GALNTL6: variants seen among roughly 807,000 people sequenced by gnomAD.
The protein encoded by GALNTL6 is polypeptide N-acetylgalactosaminyltransferase like 6, also known as polypeptide N-acetylgalactosaminyltransferase-like 6.
A neutral mutation model predicts 73.7 loss-of-function variants in GALNTL6; 46 were observed. That is an observed-to-expected ratio of 0.62 (90% CI 0.49 to 0.80). The LOEUF (loss-of-function observed/expected upper bound fraction) is 0.80, where lower values mean the gene tolerates loss of function less well. Ranked by LOEUF, GALNTL6 falls within the 30% of genes least tolerant of loss-of-function variation. The pLI, the probability that GALNTL6 is intolerant of heterozygous loss-of-function variation, is 0.00. For missense variants in GALNTL6, 604 were observed against 755.0 expected, an observed-to-expected ratio of 0.80 and a Z score of 2.34; for synonymous variants, 259 against 263.7, an observed-to-expected ratio of 0.98 and a Z score of 0.17.
At chr4:172,537,330 T>G (rs1735381007) in intron 5 of GALNTL6, among the ~76,000 whole-genome samples, 1 of 152,184 alleles carries the variant, frequency 6.6e-6, no homozygotes, top group Non-Finnish European at 1.5e-5. Context: ...AGGGAACTGG[T>G]GGGAGGTTAT....
At chr4:172,403,230 C>G (rs964729201) in intron 5 of GALNTL6, among the ~76,000 whole-genome samples, 1 of 151,924 alleles carries the variant, frequency 6.6e-6, no homozygotes, top group Non-Finnish European at 1.5e-5. Context: ...CAAAGTGCAT[C>G]AGAAAACTAT....
At chr4:172,010,103 A>C (rs1199840962) in intron 2 of GALNTL6, among the ~76,000 whole-genome samples, 1 of 152,100 alleles carries the variant, frequency 6.6e-6, no homozygotes, top group African/African-American at 2.4e-5. Context: ...ACTAGAAAGG[A>C]TAGAGTTTAC....
At chr4:172,160,791 A>G (rs1734435239) in intron 2 of GALNTL6, among the ~76,000 whole-genome samples, 1 of 151,806 alleles carries the variant, frequency 6.6e-6, no homozygotes, top group Non-Finnish European at 1.5e-5. Flanking sequence ...ATGCATATAT[A>G]TACATATATA....
At chr4:172,548,169 C>T (rs1735839762) in intron 5 of GALNTL6, among the ~76,000 whole-genome samples, 1 of 45,908 alleles carries the variant, frequency 2.2e-5, no homozygotes, top group Admixed American at 2.1e-4. Context: ...ATGTCGATGT[C>T]AATGAAGGGT....
At chr4:172,035,760 G>A (rs1741913066) in intron 2 of GALNTL6, among the ~76,000 whole-genome samples, 1 of 152,086 alleles carries the variant, frequency 6.6e-6, no homozygotes, top group African/African-American at 2.4e-5. Flanking sequence ...AATGCCAAAT[G>A]TGCCAGTGAA....
intron 2 of GALNTL6, among the ~76,000 whole-genome samples, chr4:171,821,654 T>C (rs28623655): frequency 6.7e-6 from 1 of 148,410 alleles, no homozygotes; most frequent in East Asian, 2.0e-4. Context: ...TATATATATA[T>C]ATATATATAT....
At chr4:172,349,711 C>G (rs1741873727) in intron 5 of GALNTL6, among the ~76,000 whole-genome samples, 3 of 151,744 alleles carry the variant, frequency 2.0e-5, no homozygotes, top group Admixed American at 2.0e-4. Context: ...ACTTACATGA[C>G]AGAAAGGAGG....
At chr4:171,850,117 C>G (rs565952215) in intron 2 of GALNTL6, among the ~76,000 whole-genome samples, 1 of 152,152 alleles carries the variant, frequency 6.6e-6, no homozygotes, top group African/African-American at 2.4e-5. Context: ...AGGCGCGTGC[C>G]AACACACTGG....
chr4:172,435,224 C>T (rs183036095), intron 5 of GALNTL6, among the ~76,000 whole-genome samples: 1 of 152,162 alleles, frequency 6.6e-6, no homozygotes, highest in East Asian at 1.9e-4. Flanking sequence ...TAAATTTGCT[C>T]TCATGCTCAA....
At chr4:172,837,253 A>G (rs1024893040) in intron 7 of GALNTL6, among the ~76,000 whole-genome samples, 7 of 152,168 alleles carry the variant, frequency 4.6e-5, no homozygotes, top group Non-Finnish European at 7.3e-5. Context: ...ACATCAAAAT[A>G]TTTGTGGTCC....
At chr4:172,021,162 C>A (rs1365637060) in intron 2 of GALNTL6, among the ~76,000 whole-genome samples, 1 of 151,994 alleles carries the variant, frequency 6.6e-6, no homozygotes, top group Non-Finnish European at 1.5e-5. Flanking sequence ...TATGACAGAA[C>A]TGCAGCTAGT....
rs17058812 is a variant in GALNTL6, at chr4:172,725,985, A to G, written c.554-83376A>G. Among the ~76,000 whole-genome samples, 863 of 152,326 alleles carry G rather than the reference A, an allele frequency of 5.7e-3. 6 individuals are homozygous for G. Among genetic ancestry groups the G allele is most frequent in the African/African-American group, 0.02 (821 of 41,566 alleles). The stretch of plus-strand genomic sequence containing the variant: ...TGCCTGGAATGTTGTAGAAGTTTCA[A>G]TGATTATAATTGAGGCAGCGTTCCT... On this transcript the variant is annotated intron_variant, in intron 5 of 12. Transcript: ENST00000506823.
At chr4:172,359,868 C>T (rs1235912774) in intron 5 of GALNTL6, among the ~76,000 whole-genome samples, 1 of 152,176 alleles carries the variant, frequency 6.6e-6, no homozygotes, top group Non-Finnish European at 1.5e-5. Context: ...GGCACCTCTA[C>T]TCTAACAGAA....
At chr4:171,927,402 T>G (rs1233061738) in intron 2 of GALNTL6, among the ~76,000 whole-genome samples, 2 of 152,186 alleles carry the variant, frequency 1.3e-5, no homozygotes, top group African/African-American at 4.8e-5. Flanking sequence ...TTTACAGAAC[T>G]GAGTCTATGA....
At chr4:171,900,236 G>C (rs1032377864) in intron 2 of GALNTL6, among the ~76,000 whole-genome samples, 1 of 152,068 alleles carries the variant, frequency 6.6e-6, no homozygotes, top group African/African-American at 2.4e-5. Flanking sequence ...ATTTTTTCAT[G>C]AATACACAAT....
chr4:171,879,254 G>A (rs1260070413), intron 2 of GALNTL6, among the ~76,000 whole-genome samples: 1 of 152,090 alleles, frequency 6.6e-6, no homozygotes, highest in East Asian at 1.9e-4. Flanking sequence ...GGTATGTTAT[G>A]TTAATTTTCC....
At chr4:173,001,675 A>G (rs1439776550) in intron 10 of GALNTL6, among the ~76,000 whole-genome samples, 2 of 152,240 alleles carry the variant, frequency 1.3e-5, no homozygotes, top group Non-Finnish European at 2.9e-5. Flanking sequence ...ACAAAAATAA[A>G]ACCACAAATG....
chr4:172,641,261 A>T (rs1224846945), intron 5 of GALNTL6, among the ~76,000 whole-genome samples: 1 of 152,112 alleles, frequency 6.6e-6, no homozygotes, highest in Non-Finnish European at 1.5e-5. Flanking sequence ...TCTTTTTAAG[A>T]CATAAGTCAG....
At chr4:171,968,828 T>G (rs1040645938) in intron 2 of GALNTL6, among the ~76,000 whole-genome samples, 24 of 134,002 alleles carry the variant, frequency 1.8e-4, no homozygotes, top group Non-Finnish European at 3.7e-4. Context: ...TTCTATTTTT[T>G]TTTTGTGCGG....
Sources: gnomAD v4.1 joint callset for allele counts (sites outside exome capture counted in the v4.1 genomes callset) on GRCh38, gnomAD v4.1.1 for gene constraint, MANE v1.5 for transcripts, NCBI Gene and HGNC (gene_info 2026-07-23, HGNC 2026-07-21) for gene names.